Variants in CDH7 observed in about 807,000 individuals in gnomAD.
CDH7 encodes the protein cadherin-7.
Under a neutral mutation model 71.8 loss-of-function variants are expected in CDH7, and 25 were observed. The ratio of observed to expected loss-of-function variants is 0.35; its 90% CI spans 0.25 to 0.49. The LOEUF is 0.49. Ranked by LOEUF, CDH7 falls within the 20% of genes least tolerant of loss-of-function variation. CDH7 has a pLI of 0.99. For synonymous variants in CDH7, 381 were observed against 363.8 expected (o/e 1.05, Z -0.54); for missense variants, 862 against 974.6 (o/e 0.88, Z 1.54).
intron 2 of CDH7, among the ~76,000 whole-genome samples, chr18:65,786,490 A>T (rs1417782723): frequency 6.6e-6 from 1 of 152,128 alleles, no homozygotes; most frequent in East Asian, 1.9e-4. Flanking sequence ...CTTCAGAGTA[A>T]ATCTACCTCT....
chr18:65,844,501 C>T (rs763921233), intron 7 of CDH7, among the ~76,000 whole-genome samples: 2 of 151,866 alleles, frequency 1.3e-5, no homozygotes, highest in Non-Finnish European at 2.9e-5. Flanking sequence ...TCTACTTGAA[C>T]AGTATATATT....
chr18:65,853,916 T>TATATATATATATATATATCC (rs1913239540), intron 7 of CDH7, among the ~76,000 whole-genome samples: 3 of 59,948 alleles, frequency 5.0e-5, no homozygotes, highest in African/African-American at 3.1e-4. Context: ...CATATATATA[T>TATATATATATATATATATCC]ATATATATAT....
intron 1 of CDH7, among the ~76,000 whole-genome samples, chr18:65,759,791 CT>C (rs1916141181): frequency 1.3e-5 from 2 of 152,286 alleles, no homozygotes; most frequent in East Asian, 1.9e-4. Flanking sequence ...GCTCTTATCC[CT>C]AGTCCAGACT....
intron 11 of CDH7, among the ~76,000 whole-genome samples, chr18:65,869,404 C>T (rs891507828): frequency 6.6e-6 from 1 of 152,086 alleles, no homozygotes. Context: ...CAGTACCAGA[C>T]AGCTCTCATC....
intron 6 of CDH7, among the ~76,000 whole-genome samples, chr18:65,835,439 T>A (rs1912499021): frequency 6.6e-6 from 1 of 152,186 alleles, no homozygotes; most frequent in African/African-American, 2.4e-5. Flanking sequence ...TTCTGCCCAC[T>A]TCCCTCATCA....
intron 11 of CDH7, among the ~76,000 whole-genome samples, chr18:65,874,382 T>A (rs951881842): frequency 6.6e-6 from 1 of 152,074 alleles, no homozygotes. Context: ...TTAAAAAAAA[T>A]TAGTGGAGTT....
At chr18:65,792,144 G>A (rs1267731404) in intron 2 of CDH7, among the ~76,000 whole-genome samples, 3 of 146,886 alleles carry the variant, frequency 2.0e-5, no homozygotes, top group African/African-American at 7.6e-5. Flanking sequence ...AAAAGTTCTA[G>A]CTATACTCCA....
intron 6 of CDH7, among the ~76,000 whole-genome samples, chr18:65,835,882 G>A (rs962555309): frequency 6.6e-6 from 1 of 152,186 alleles, no homozygotes; most frequent in Non-Finnish European, 1.5e-5. Context: ...AGTGAATTTT[G>A]GAAACGTGAT....
intron 2 of CDH7, among the ~76,000 whole-genome samples, chr18:65,772,108 G>A (rs1456208669): frequency 6.6e-6 from 1 of 152,146 alleles, no homozygotes; most frequent in Non-Finnish European, 1.5e-5. Context: ...GTATTTAACT[G>A]AAAACACACA....
chr18:65,867,298 G>A (rs899119631), intron 11 of CDH7, among the ~76,000 whole-genome samples: 3 of 152,096 alleles, frequency 2.0e-5, no homozygotes, highest in Non-Finnish European at 4.4e-5. Context: ...GCCTCTCAAA[G>A]TGCTGGGATT....
At chr18:65,779,280 C>A (rs1429135671) in intron 2 of CDH7, among the ~76,000 whole-genome samples, 1 of 71,062 alleles carries the variant, frequency 1.4e-5, no homozygotes, top group Non-Finnish European at 2.6e-5. Flanking sequence ...TTTTTTCAGT[C>A]ATTATTTGTA....
chr18:65,792,761 G>A (rs1000062656), intron 2 of CDH7, among the ~76,000 whole-genome samples: 9 of 152,218 alleles, frequency 5.9e-5, no homozygotes, highest in African/African-American at 2.2e-4. Context: ...GGCTGATTCT[G>A]TTAGGCCTGC....
intron 2 of CDH7, among the ~76,000 whole-genome samples, chr18:65,807,587 G>C (rs530786629): frequency 2.6e-5 from 4 of 152,328 alleles, no homozygotes; most frequent in African/African-American, 9.6e-5. Flanking sequence ...GTTGCTACCA[G>C]GTGCCGCCCC....
intron 8 of CDH7, among the ~76,000 whole-genome samples, 161 bp from the exon 9 acceptor site, chr18:65,858,762 ATG>A (rs1336795922): frequency 6.6e-6 from 1 of 151,984 alleles, no homozygotes; most frequent in Non-Finnish European, 1.5e-5. Flanking sequence ...ATACATATGA[ATG>A]TGTGTGTGTA....
chr18:65,789,362 T>C (rs1021387976), intron 2 of CDH7, among the ~76,000 whole-genome samples: 1 of 152,176 alleles, frequency 6.6e-6, no homozygotes, highest in African/African-American at 2.4e-5. Flanking sequence ...ACAATCTGTT[T>C]AGGCGTCTGT....
At position 65,886,756 on chromosome 18, in the gene CDH7, T is replaced by G. The variant is rs908216801; in HGVS notation, c.*5862T>G. 1 of 152,178 alleles carries G rather than the reference T, an allele frequency of 6.6e-6. No homozygotes were observed. Among genetic ancestry groups the G allele is most frequent in the Non-Finnish European group, 1.5e-5 (1 of 68,012 alleles). 9.4% of individuals were successfully genotyped at this position (152,178 alleles called of 1,614,324 possible). On this transcript the variant is annotated 3_prime_UTR_variant, in exon 12 of 12. Coordinates refer to ENST00000397968, the MANE Select transcript of CDH7 (RefSeq NM_004361.5). ...AATTTATACACTTGAAAAAATTAGA[T>G]GCAATGATATTGACTTAACATGAAA... is the stretch of plus-strand genomic sequence containing the variant.
In CDH7 at chr18:65,886,447, T is replaced by C. The variant is rs544719350; in HGVS notation, c.*5553T>C. 4 of 152,106 alleles carry C rather than the reference T, an allele frequency of 2.6e-5. No homozygotes were observed. The highest frequency in any genetic ancestry group is 4.4e-5 in the Non-Finnish European group (3 of 67,986). The allele number at this position is 152,106 out of a possible 1,614,324, so 9.4% of individuals were successfully genotyped here. A position where few individuals can be genotyped will look rare whatever the true frequency, so the allele number is the denominator to read the frequency against. Reference sequence around the variant, plus strand: ...AGATCTCAGAAGATTGCAGTTTAACTCAACATAATTCAACCATTCATATGA... The same window carrying C: ...AGATCTCAGAAGATTGCAGTTTAACCCAACATAATTCAACCATTCATATGA... On this transcript the variant is annotated 3_prime_UTR_variant, in exon 12 of 12. Transcript: ENST00000397968.
chr18:65,880,508 G>C lies in CDH7; in HGVS notation c.1972G>C (p.Gly658Arg), dbSNP rs116566190. The change falls in exon 12 of 12, where the codon GGG (glycine) becomes CGG (arginine). Residue 658 changes from glycine to arginine, a missense_variant. Gly to Arg is a moderately radical substitution (Grantham distance 125). Transcript: ENST00000397968. Reference protein sequence around the residue: ...ENIVRYDDEGGGEEDTEAFDM... With the variant: ...ENIVRYDDEGRGEEDTEAFDM... ...TATTGTGAGATACGATGACGAGGGC[G>C]GGGGAGAGGAGGACACGGAAGCGTT... The C allele has an allele frequency of 1.9e-6, 3 of 1,612,150 alleles. No homozygotes were observed. The highest frequency in any genetic ancestry group is 2.2e-5 in the East Asian group (1 of 44,860).
chr18:65,823,755 G>A (rs1912023095), intron 5 of CDH7, among the ~76,000 whole-genome samples: 1 of 151,826 alleles, frequency 6.6e-6, no homozygotes, highest in South Asian at 2.1e-4. Flanking sequence ...ATTCTTCTCA[G>A]AGAGAATCCT....
Sources: allele counts gnomAD v4.1 joint callset (sites outside exome capture counted in the v4.1 genomes callset), GRCh38; gene constraint gnomAD v4.1.1; transcripts MANE v1.5; gene names NCBI Gene and HGNC (gene_info 2026-07-23, HGNC 2026-07-21).